DNAH9: variants seen among roughly 807,000 people sequenced by gnomAD.
The protein encoded by DNAH9 is DNAH9 variant protein.
A neutral mutation model predicts 471.6 loss-of-function variants in DNAH9; 345 were observed. That is an observed-to-expected ratio of 0.73 (90% CI 0.67 to 0.80). The LOEUF (loss-of-function observed/expected upper bound fraction) is 0.80. DNAH9 is among the 30% of genes least tolerant of loss of function. DNAH9 has a pLI of 0.00. For missense variants in DNAH9, 5,407 were observed against 5,609.2 expected (o/e 0.96, Z 1.15); for synonymous variants, 2,093 against 2,123.6 (o/e 0.99, Z 0.40).
At chr17:11,611,388 C>A (rs1350474694) in intron 3 of DNAH9, among the ~76,000 whole-genome samples, 1 of 152,212 alleles carries the variant, frequency 6.6e-6, no homozygotes, top group East Asian at 1.9e-4. Context: ...GAGCTAATGA[C>A]CTCCAGCTGC....
At chr17:11,798,296 G>T (rs1367514301) in intron 43 of DNAH9, among the ~76,000 whole-genome samples, 4 of 151,622 alleles carry the variant, frequency 2.6e-5, no homozygotes, top group African/African-American at 9.7e-5. Context: ...AGCCAGGCGT[G>T]GTGGCACGTG....
chr17:11,619,510 T>C (rs763919475), intron 5 of DNAH9, 38 bp from the exon 6 acceptor site: 4 of 1,214,366 alleles, frequency 3.3e-6, no homozygotes, highest in Non-Finnish European at 4.9e-6. Flanking sequence ...ACAGGATGTC[T>C]GCACCTGCTC....
intron 26 of DNAH9, among the ~76,000 whole-genome samples, chr17:11,711,516 C>A (rs956586560): frequency 1.3e-5 from 2 of 152,048 alleles, no homozygotes; most frequent in African/African-American, 4.8e-5. Flanking sequence ...CTATCAGTCC[C>A]TCTCTGTGCC....
At chr17:11,809,403 C>T (rs1008447012) in intron 44 of DNAH9, among the ~76,000 whole-genome samples, 4 of 151,576 alleles carry the variant, frequency 2.6e-5, no homozygotes, top group Non-Finnish European at 4.4e-5. Flanking sequence ...ATCTCTACAA[C>T]AAAAATACAA....
At chr17:11,874,854 A>T in intron 52 of DNAH9, 95 bp from the exon 53 acceptor site, 1 of 867,080 alleles carries the variant, frequency 1.2e-6, no homozygotes, top group Non-Finnish European at 1.9e-6. Context: ...TCTTGCTTTT[A>T]AAGGAGTTGT....
intron 57 of DNAH9, among the ~76,000 whole-genome samples, chr17:11,888,417 C>A (rs1316565378): frequency 2.0e-5 from 3 of 152,124 alleles, no homozygotes; most frequent in Non-Finnish European, 2.9e-5. Flanking sequence ...ACAGGATCAC[C>A]CCCCTGGTTC....
chr17:11,958,888 TAACAA>T (rs1975830348), intron 67 of DNAH9, among the ~76,000 whole-genome samples: 4 of 152,176 alleles, frequency 2.6e-5, no homozygotes, highest in Admixed American at 2.6e-4. Context: ...AGCAAAATGT[TAACAA>T]ATCAAATCAC....
At chr17:11,945,084 G>A (rs1975064158) in intron 67 of DNAH9, among the ~76,000 whole-genome samples, 1 of 152,154 alleles carries the variant, frequency 6.6e-6, no homozygotes, top group Non-Finnish European at 1.5e-5. Flanking sequence ...GCCTAAGTGG[G>A]GCAAGTCCCT....
intron 26 of DNAH9, among the ~76,000 whole-genome samples, chr17:11,715,146 A>G (rs1416271664): frequency 6.6e-6 from 1 of 152,384 alleles, no homozygotes. Flanking sequence ...CAGGCTATTC[A>G]TAGCTGAAAT....
rs1968209996 is a variant in DNAH9 at position 11,771,650 on chromosome 17, C to A, written c.7552+2321C>A. Among the ~76,000 whole-genome samples the A allele has an allele frequency of 3.3e-5, 5 of 152,340 alleles. No individual in the cohort carries two copies. The South Asian group carries it at 8.3e-4, about 25-fold the overall frequency. On this transcript the variant is annotated intron_variant, in intron 38 of 68. Transcript: ENST00000262442. ...GGCTAATTTAAATCTTAGCAGTTCG[C>A]TGTCTGCCTCATAGAATTCCTCTTT... is the stretch of plus-strand genomic sequence containing the variant.
chr17:11,782,878 C>T (rs982984633), intron 39 of DNAH9, among the ~76,000 whole-genome samples: 3 of 152,030 alleles, frequency 2.0e-5, no homozygotes, highest in East Asian at 3.9e-4. Flanking sequence ...CCTGGGTGAC[C>T]GAGCAAGACT....
intron 67 of DNAH9, chr17:11,953,741 A>G (rs1975499409): frequency 7.0e-6 from 1 of 143,086 alleles, no homozygotes; most frequent in Non-Finnish European, 1.5e-5. Context: ...TGGGCCACAG[A>G]GAGAGACTCC....
At chr17:11,670,353 A>C (rs753835226) in intron 17 of DNAH9, among the ~76,000 whole-genome samples, 1 of 152,156 alleles carries the variant, frequency 6.6e-6, no homozygotes, top group Non-Finnish European at 1.5e-5. Context: ...TGAATGAATA[A>C]TCCATGTAGT....
intron 48 of DNAH9, among the ~76,000 whole-genome samples, chr17:11,827,284 A>C (rs765249363): frequency 3.3e-5 from 5 of 152,220 alleles, no homozygotes; most frequent in Non-Finnish European, 7.3e-5. Flanking sequence ...TAATTTATAA[A>C]GAAAAGAGGT....
rs1393205887 is a variant in DNAH9, at chr17:11,886,918, A to G, written c.11065A>G (p.Met3689Val). The stretch of plus-strand genomic sequence containing the variant: ...CAGGGCCTCACTGCTCTACTTCATC[A>G]TGAACGACCTCAGCAAGATCCATCC... ...AARASLLYFI[M>V]NDLSKIHPMY... Residue 3689 changes from methionine to valine, a missense_variant, in exon 57 of 69, where the codon ATG (methionine) becomes GTG (valine). By Grantham distance (21) the Met-to-Val change is conservative (BLOSUM62 1). Coordinates refer to ENST00000262442, the MANE Select transcript of DNAH9 (RefSeq NM_001372.4). 2 of 1,613,128 alleles carry G rather than the reference A, an allele frequency of 1.2e-6. No homozygotes were observed. Among genetic ancestry groups the G allele is most frequent in the Non-Finnish European group, 1.7e-6 (2 of 1,179,600 alleles).
chr17:11,913,335 CTT>C (rs1973846548), intron 61 of DNAH9, among the ~76,000 whole-genome samples: 1 of 152,062 alleles, frequency 6.6e-6, no homozygotes, highest in Non-Finnish European at 1.5e-5. Flanking sequence ...TTTTATTTCT[CTT>C]TGAGTCACTT....
In DNAH9 at chr17:11,598,933, TC is replaced by T; in HGVS notation, c.417+22del. On this transcript the variant is annotated intron_variant, in intron 1 of 68. Coordinates refer to ENST00000262442, the MANE Select transcript of DNAH9 (RefSeq NM_001372.4). ...TCTCGGAGGTGAGGGTGGGTTAGTG[TC>T]CCCGCGCGGCTAAAGCTGGGTGGGG... 2 of 1,129,070 alleles carry T rather than the reference TC, an allele frequency of 1.8e-6. No homozygotes were observed. Among genetic ancestry groups the T allele is most frequent in the Non-Finnish European group, 2.2e-6 (2 of 914,640 alleles). 69.9% of individuals were successfully genotyped at this position (1,129,070 alleles called of 1,614,324 possible).
chr17:11,613,832 C>A (rs1273472565), intron 4 of DNAH9, among the ~76,000 whole-genome samples: 1 of 151,992 alleles, frequency 6.6e-6, no homozygotes, highest in Non-Finnish European at 1.5e-5. Context: ...AAATTTGGGG[C>A]TCTGAAAAAG....
chr17:11,836,281 T>C (rs899084717), intron 49 of DNAH9, among the ~76,000 whole-genome samples: 6 of 152,226 alleles, frequency 3.9e-5, no homozygotes, highest in African/African-American at 1.2e-4. Context: ...CATTGGAATG[T>C]AGCATCTATT....
Sources: gnomAD v4.1 joint callset for allele counts (sites outside exome capture counted in the v4.1 genomes callset) on GRCh38, gnomAD v4.1.1 for gene constraint, MANE v1.5 for transcripts, NCBI Gene and HGNC (gene_info 2026-07-23, HGNC 2026-07-21) for gene names.